Variants in SERPING1 observed in about 807,000 individuals in gnomAD.
The protein encoded by SERPING1 is plasma protease C1 inhibitor.
In SERPING1, 5 loss-of-function variants were observed where a neutral mutation model predicts 34.1. That is an observed-to-expected ratio of 0.15 (90% CI 0.08 to 0.31). The LOEUF (loss-of-function observed/expected upper bound fraction) is 0.31, where lower values mean the gene tolerates loss of function less well. SERPING1 is among the 10% of genes least tolerant of loss of function. SERPING1 has a pLI of 1.00. For synonymous variants in SERPING1, 225 were observed against 242.4 expected, an observed-to-expected ratio of 0.93 and a Z score of 0.67; for missense variants, 505 against 609.5, an observed-to-expected ratio of 0.83 and a Z score of 1.81.
At chr11:57,601,992 G>T in intron 3 of SERPING1, 43 bp from the exon 4 acceptor site, 1 of 1,606,316 alleles carries the variant, frequency 6.2e-7, no homozygotes, top group South Asian at 1.1e-5. Flanking sequence ...GAAGGCCCCC[G>T]ACTCATCCTG....
chr11:57,610,363 A>G (rs1178478468), intron 6 of SERPING1, among the ~76,000 whole-genome samples: 1 of 152,104 alleles, frequency 6.6e-6, no homozygotes, highest in Non-Finnish European at 1.5e-5. Context: ...AGCATGGTAA[A>G]TTTTTCTTCA....
At position 57,606,515 on chromosome 11, in the gene SERPING1, G is replaced by T. The variant is rs202192543; in HGVS notation, c.997G>T (p.Ala333Ser). 7 of 1,614,164 alleles carry T rather than the reference G, an allele frequency of 4.3e-6. No homozygotes were observed. The highest frequency in any genetic ancestry group is 5.9e-6 in the Non-Finnish European group (7 of 1,180,040). The change falls in exon 6 of 8, where the codon GCC (alanine) becomes TCC (serine). Residue 333 changes from alanine to serine, a missense_variant. Coordinates refer to ENST00000278407, the MANE Select transcript of SERPING1 (RefSeq NM_000062.3). The stretch of plus-strand genomic sequence containing the variant: ...GATGAATAGCAAGAAGTACCCTGTG[G>T]CCCATTTCATTGACCAAACTTTGAA... ...PMMNSKKYPVAHFIDQTLKAK... is the reference protein window; with the variant it reads ...PMMNSKKYPVSHFIDQTLKAK...
intron 4 of SERPING1, among the ~76,000 whole-genome samples, chr11:57,602,812 G>A (rs944111617): frequency 3.3e-5 from 5 of 150,672 alleles, no homozygotes; most frequent in African/African-American, 4.9e-5. Context: ...GGAGAAAGCC[G>A]GGCCGGGCAT....
intron 6 of SERPING1, among the ~76,000 whole-genome samples, chr11:57,609,278 A>G (rs947885282): frequency 6.6e-6 from 1 of 151,936 alleles, no homozygotes; most frequent in Non-Finnish European, 1.5e-5. Flanking sequence ...ACTCTGTCTC[A>G]AAACACAAAA....
At chr11:57,607,636 A>T (rs1210793560) in intron 6 of SERPING1, among the ~76,000 whole-genome samples, 1 of 152,172 alleles carries the variant, frequency 6.6e-6, no homozygotes, top group Non-Finnish European at 1.5e-5. Flanking sequence ...AGAGCTACTC[A>T]GTAAAAGTGG....
At position 57,604,086 on chromosome 11, in the gene SERPING1, C is replaced by T. The variant is rs146133107; in HGVS notation, c.685+1917C>T. On this transcript the variant is annotated intron_variant, in intron 4 of 7. Coordinates refer to ENST00000278407, the MANE Select transcript of SERPING1 (RefSeq NM_000062.3). ...GACAGAGGTTGCAGTCAGCTGAGAT[C>T]GCACCACTGCATTCCAGCCTGGGTG... Among the ~76,000 whole-genome samples the T allele has an allele frequency of 2.8e-3, 408 of 147,088 alleles. 2 individuals are homozygous for T. Among genetic ancestry groups the T allele is most frequent in the Middle Eastern group, 0.025 (7 of 282 alleles).
intron 4 of SERPING1, among the ~76,000 whole-genome samples, chr11:57,603,879 G>T (rs866929852): frequency 1.3e-5 from 2 of 151,176 alleles, no homozygotes; most frequent in South Asian, 4.2e-4. Context: ...GCCAGGCGCG[G>T]TGTCTCACAC....
At chr11:57,607,298 C>T (rs1945420936) in intron 6 of SERPING1, among the ~76,000 whole-genome samples, 1 of 152,202 alleles carries the variant, frequency 6.6e-6, no homozygotes, top group Non-Finnish European at 1.5e-5. Flanking sequence ...CCTCACATAG[C>T]TTGTTCCTTC....
rs1294893188 is a variant in SERPING1 at position 57,599,111 on chromosome 11, T to C, written c.52-768T>C. ...AGTTTCTCTACCTGTGAAATGGAGC[T>C]AATGCGTGGTTTCTCAGTGGAGGAT... On this transcript the variant is annotated intron_variant, in intron 2 of 7. Coordinates refer to ENST00000278407, the MANE Select transcript of SERPING1 (RefSeq NM_000062.3). Among the ~76,000 whole-genome samples, 4 of 152,162 alleles carry C rather than the reference T, an allele frequency of 2.6e-5. No homozygotes were observed. The East Asian group carries it at 7.7e-4, about 29-fold the overall frequency.
chr11:57,610,696 C>A (rs1019654424), intron 6 of SERPING1, among the ~76,000 whole-genome samples: 1 of 152,168 alleles, frequency 6.6e-6, no homozygotes, highest in African/African-American at 2.4e-5. Flanking sequence ...TCAGATAATT[C>A]TTTGTCCTGT....
intron 2 of SERPING1, 140 bp downstream of exon 2, chr11:57,598,461 C>A: frequency 1.3e-6 from 1 of 795,794 alleles, no homozygotes; most frequent in Non-Finnish European, 2.0e-6. Context: ...GAGTGTGATC[C>A]TTGCACACGC....
At chr11:57,605,406 C>A (rs1450739230) in intron 4 of SERPING1, among the ~76,000 whole-genome samples, 3 of 151,880 alleles carry the variant, frequency 2.0e-5, no homozygotes, top group Non-Finnish European at 4.4e-5. Flanking sequence ...TCAAGTGATT[C>A]TCCTGCCTCA....
chr11:57,605,170 G>A (rs1039561081), intron 4 of SERPING1, among the ~76,000 whole-genome samples: 3 of 152,080 alleles, frequency 2.0e-5, no homozygotes, highest in African/African-American at 4.8e-5. Flanking sequence ...TGTCTTGCTA[G>A]GTTGGTGAAA....
At position 57,606,452 on chromosome 11, in the gene SERPING1, C is replaced by T. The variant is rs1243852802; in HGVS notation, c.934C>T (p.Pro312Ser). Reference protein sequence around the residue: ...TFDPKKTRMEPFHFKNSVIKV... With the variant: ...TFDPKKTRMESFHFKNSVIKV... ...TGATCCCAAGAAAACCAGAATGGAA[C>T]CCTTTCACTTCAAAAACTCAGTTAT... The change falls in exon 6 of 8, where the codon CCC becomes TCC. Residue 312 changes from proline (P) to serine (S), a missense_variant. Physicochemically the swap from Pro to Ser is moderately conservative, Grantham distance 74. Coordinates refer to ENST00000278407, the MANE Select transcript of SERPING1 (RefSeq NM_000062.3). The T allele has an allele frequency of 2.5e-6, 4 of 1,614,166 alleles. No individual in the cohort carries two copies. The highest frequency in any genetic ancestry group is 1.7e-6 in the Non-Finnish European group (2 of 1,180,010).
chr11:57,611,576 A>C, intron 6 of SERPING1, 141 bp from the exon 7 acceptor site: 1 of 828,742 alleles, frequency 1.2e-6, no homozygotes. Context: ...TTTCATGGTA[A>C]AGCCTGGAAG....
rs764462746 is a variant in SERPING1, at chr11:57,600,223, C to G, written c.396C>G (p.Asp132Glu). The G allele has an allele frequency of 1.2e-6, 2 of 1,614,004 alleles. No individual in the cohort carries two copies. Among genetic ancestry groups the G allele is most frequent in the East Asian group, 4.5e-5 (2 of 44,858 alleles). The change falls in exon 3 of 8, where the codon GAC becomes GAG. Residue 132 changes from aspartate to glutamate, a missense_variant. Transcript: ENST00000278407. Reference sequence around the variant, plus strand: ...CAGGACCTGTTACTCTCTGCTCTGACTTGGAGAGTCATTCAACAGAGGCCG... The same window carrying G: ...CAGGACCTGTTACTCTCTGCTCTGAGTTGGAGAGTCATTCAACAGAGGCCG... ...FCPGPVTLCS[D>E]LESHSTEAVL...
At chr11:57,614,191 A>G in intron 7 of SERPING1, 137 bp from the exon 8 acceptor site, 1 of 1,119,668 alleles carries the variant, frequency 8.9e-7, no homozygotes, top group South Asian at 1.3e-5. Context: ...AGGGTACAGT[A>G]TGTAATCTGG....
In SERPING1 at chr11:57,614,619, C is replaced by T; in HGVS notation, c.*38C>T. On this transcript the variant is annotated 3_prime_UTR_variant, in exon 8 of 8. Transcript: ENST00000278407. ...CAGGTTAGGGCGAGCGCTACCTCTC[C>T]AGCCTCAGCTCTCAGTTGCAGCCCT... The T allele has an allele frequency of 6.2e-7, 1 of 1,604,186 alleles. No individual in the cohort carries two copies. The highest frequency in any genetic ancestry group is 1.1e-5 in the South Asian group (1 of 90,392).
chr11:57,607,481 C>T (rs1057230284), intron 6 of SERPING1, among the ~76,000 whole-genome samples: 2 of 152,152 alleles, frequency 1.3e-5, no homozygotes, highest in African/African-American at 4.8e-5. Flanking sequence ...TTGTCTGTCT[C>T]CCTAAGATAC....
Sources: allele counts gnomAD v4.1 joint callset (sites outside exome capture counted in the v4.1 genomes callset), GRCh38; gene constraint gnomAD v4.1.1; transcripts MANE v1.5; gene names NCBI Gene and HGNC (gene_info 2026-07-23, HGNC 2026-07-21).